FBXW7: variants seen among roughly 807,000 people sequenced by gnomAD.
FBXW7 encodes the protein F-box/WD repeat-containing protein 7.
FBXW7 carries 11 observed loss-of-function variants against 86.3 expected under a neutral mutation model. The ratio of observed to expected loss-of-function variants is 0.13; its 90% CI spans 0.08 to 0.21. The LOEUF (loss-of-function observed/expected upper bound fraction) is 0.21, where lower values mean the gene tolerates loss of function less well. Among genes scored for constraint, FBXW7 ranks in the 10% least tolerant of loss-of-function variants. FBXW7 has a pLI of 1.00. For synonymous variants in FBXW7, 313 were observed against 297.9 expected, an observed-to-expected ratio of 1.05 and a Z score of -0.52; for missense variants, 488 against 847.4, an observed-to-expected ratio of 0.58 and a Z score of 5.27.
intron 2 of FBXW7, among the ~76,000 whole-genome samples, chr4:152,496,794 C>A (rs1219698706): frequency 6.6e-6 from 1 of 152,160 alleles, no homozygotes; most frequent in African/African-American, 2.4e-5. Context: ...ACATTTCCAA[C>A]AGGGTTTGTT....
intron 2 of FBXW7, among the ~76,000 whole-genome samples, chr4:152,479,400 A>G (rs1744685290): frequency 6.6e-6 from 1 of 152,126 alleles, no homozygotes; most frequent in African/African-American, 2.4e-5. Flanking sequence ...GAGCAATCCA[A>G]GGGCAAATGA....
chr4:152,507,639 A>G (rs1352855879), intron 2 of FBXW7, among the ~76,000 whole-genome samples: 1 of 152,208 alleles, frequency 6.6e-6, no homozygotes, highest in Non-Finnish European at 1.5e-5. Flanking sequence ...GGGCAGGGGG[A>G]ATGGAAGAAT....
chr4:152,429,114 T>C (rs1739643831), intron 2 of FBXW7, among the ~76,000 whole-genome samples: 1 of 152,040 alleles, frequency 6.6e-6, no homozygotes, highest in African/African-American at 2.4e-5. Context: ...CACTTGAACC[T>C]GGGAGGCGGA....
intron 12 of FBXW7, chr4:152,325,716 G>A (rs532926817): frequency 4.8e-5 from 15 of 312,990 alleles, no homozygotes; most frequent in African/African-American, 2.7e-4. Context: ...TCTCCTATGA[G>A]ACTATTTAAC....
At chr4:152,482,167 C>T (rs891340204) in intron 2 of FBXW7, among the ~76,000 whole-genome samples, 2 of 152,174 alleles carry the variant, frequency 1.3e-5, no homozygotes, top group Non-Finnish European at 2.9e-5. Context: ...TCATCAACAT[C>T]GAGTCAAGAC....
At chr4:152,441,230 C>CT (rs1483767919) in intron 2 of FBXW7, among the ~76,000 whole-genome samples, 2 of 152,168 alleles carry the variant, frequency 1.3e-5, no homozygotes, top group East Asian at 3.9e-4. Context: ...GGTTTTGTTT[C>CT]TTTACTCCTC....
chr4:152,462,604 C>T (rs1235301640), intron 2 of FBXW7, among the ~76,000 whole-genome samples: 3 of 152,224 alleles, frequency 2.0e-5, no homozygotes, highest in Admixed American at 2.0e-4. Flanking sequence ...CACCATAAGG[C>T]AAGAAAGCCA....
intron 2 of FBXW7, among the ~76,000 whole-genome samples, chr4:152,416,605 A>T (rs1346254952): frequency 6.6e-6 from 1 of 152,172 alleles, no homozygotes; most frequent in African/African-American, 2.4e-5. Context: ...GCAAAATTTG[A>T]TGAAAAGCTC....
At chr4:152,478,131 T>C (rs964595597) in intron 2 of FBXW7, among the ~76,000 whole-genome samples, 2 of 152,146 alleles carry the variant, frequency 1.3e-5, no homozygotes, top group Admixed American at 6.5e-5. Flanking sequence ...TCAGTAGCAT[T>C]GAGTACATTC....
At chr4:152,337,737 G>C (rs2126581521) in intron 7 of FBXW7, 65 bp downstream of exon 7, 1 of 1,481,226 alleles carries the variant, frequency 6.8e-7, no homozygotes, top group Non-Finnish European at 9.2e-7. Context: ...AATGTTTAAA[G>C]GTGGTAGCTG....
At chr4:152,534,807 C>A (rs138892570) in intron 2 of FBXW7, 134 bp downstream of exon 2, 13 of 152,286 alleles carry the variant, frequency 8.5e-5, no homozygotes, top group Non-Finnish European at 1.6e-4. Context: ...CACCTTCCCC[C>A]CTCCGTGAAT....
rs1750483419 is a variant in FBXW7, at chr4:152,535,686, T to TCTCGCCC, written c.-779_-773dup. 5.1e-6 allele frequency: 2 copies of TCTCGCCC among 395,320 alleles called. No individual in the cohort carries two copies. Among genetic ancestry groups the TCTCGCCC allele is most frequent in the Admixed American group, 8.9e-5 (2 of 22,566 alleles). The allele number at this position is 395,320 out of a possible 1,614,324, so 24.5% of individuals were successfully genotyped here. ...GACCCCCCTCCCTACACCTTGGGGG[T>TCTCGCCC]CTCGCCCCACGCCCCACGGGACGAG... On this transcript the variant is annotated 5_prime_UTR_variant, in exon 1 of 14. Transcript: ENST00000281708.
intron 2 of FBXW7, among the ~76,000 whole-genome samples, chr4:152,523,627 A>T (rs900868744): frequency 2.6e-5 from 4 of 152,186 alleles, no homozygotes; most frequent in South Asian, 2.1e-4. Context: ...TAAAATTAGG[A>T]TCAAGCTGAA....
chr4:152,408,380 G>C (rs768460144), intron 4 of FBXW7, among the ~76,000 whole-genome samples: 3 of 152,326 alleles, frequency 2.0e-5, no homozygotes, highest in South Asian at 4.1e-4. Context: ...TTGAGAATGA[G>C]AGTTAAAACT....
intron 2 of FBXW7, among the ~76,000 whole-genome samples, chr4:152,493,364 C>T (rs1746039456): frequency 6.6e-6 from 1 of 152,024 alleles, no homozygotes; most frequent in South Asian, 2.1e-4. Context: ...AGGGTTTCAC[C>T]ATGTTGGTCA....
At chr4:152,374,465 A>G (rs1734301575) in intron 4 of FBXW7, among the ~76,000 whole-genome samples, 1 of 152,106 alleles carries the variant, frequency 6.6e-6, no homozygotes, top group East Asian at 1.9e-4. Context: ...ACAGCTGCAC[A>G]GTCACTTAAA....
rs578167532 is a variant in FBXW7, at chr4:152,354,989, A to G, written c.502-4865T>C. Reference sequence around the variant, plus strand: ...TACTAATGAAGACCTTGTCTTCCCAAGTATTTAAACAATTCTCCCTAATAT... The same window carrying G: ...TACTAATGAAGACCTTGTCTTCCCAGGTATTTAAACAATTCTCCCTAATAT... On this transcript the variant is annotated intron_variant, in intron 4 of 13. Coordinates refer to ENST00000281708, the MANE Select transcript of FBXW7 (RefSeq NM_001349798.2). Among the ~76,000 whole-genome samples, 53 of 152,148 alleles carry G rather than the reference A, an allele frequency of 3.5e-4. 1 individual carries two copies. The highest frequency in any genetic ancestry group is 6.9e-4 in the Non-Finnish European group (47 of 67,974).
chr4:152,436,394 A>T (rs1251374982), intron 2 of FBXW7, among the ~76,000 whole-genome samples: 1 of 152,250 alleles, frequency 6.6e-6, no homozygotes, highest in African/African-American at 2.4e-5. Flanking sequence ...GCTGGAAGCT[A>T]GCAGAGGTTG....
chr4:152,356,821 A>G (rs1056680846), intron 4 of FBXW7, among the ~76,000 whole-genome samples: 7 of 152,318 alleles, frequency 4.6e-5, no homozygotes, highest in African/African-American at 1.7e-4. Flanking sequence ...TTTCACTAAC[A>G]CAAATAGGTG....
Sources: gnomAD v4.1 joint callset for allele counts (sites outside exome capture counted in the v4.1 genomes callset) on GRCh38, gnomAD v4.1.1 for gene constraint, MANE v1.5 for transcripts, NCBI Gene and HGNC (gene_info 2026-07-23, HGNC 2026-07-21) for gene names.